The following GDF6 variants were observed in gnomAD, a reference collection of about 807,000 sequenced individuals.
GDF6 encodes growth/differentiation factor 6.
Under a neutral mutation model 32.4 loss-of-function variants are expected in GDF6, and 3 were observed. The ratio of observed to expected loss-of-function variants is 0.09; its 90% CI spans 0.04 to 0.24. GDF6 has a LOEUF of 0.24. GDF6 is among the 10% of genes least tolerant of loss of function. The probability of loss-of-function intolerance (pLI) is 1.00; values close to 1 mark genes in which losing one functional copy is unlikely to be tolerated. For missense variants in GDF6, 589 were observed against 637.9 expected, an observed-to-expected ratio of 0.92 and a Z score of 0.83; for synonymous variants, 296 against 295.3, an observed-to-expected ratio of 1.00 and a Z score of -0.03.
At chr8:96,153,199 T>A (rs1812598588) in intron 1 of GDF6, among the ~76,000 whole-genome samples, 1 of 152,230 alleles carries the variant, frequency 6.6e-6, no homozygotes, top group South Asian at 2.1e-4. Context: ...ACTCCTTTTG[T>A]CTCTAGAGGA....
At position 96,144,007 on chromosome 8, in the gene GDF6, T is replaced by G. The variant is rs925074980; in HGVS notation, c.*556A>C. 1 of 163,968 alleles carries G rather than the reference T, an allele frequency of 6.1e-6. No individual in the cohort carries two copies. Among genetic ancestry groups the G allele is most frequent in the South Asian group, 1.5e-4 (1 of 6,590 alleles). 10.2% of individuals were successfully genotyped at this position (163,968 alleles called of 1,614,324 possible). A position where few individuals can be genotyped will look rare whatever the true frequency, so the allele number is the denominator to read the frequency against. ...CAATTTCCCTATCTAACACTTTCTG[T>G]GTGGGAGGGCACAAGACATGGGCTA... On this transcript the variant is annotated 3_prime_UTR_variant, in exon 2 of 2. Transcript: ENST00000287020. The surrounding 1 kb of genome is among the most constrained non-coding windows in gnomAD (Gnocchi z 5.1).
intron 1 of GDF6, among the ~76,000 whole-genome samples, chr8:96,158,311 C>A (rs1316645960): frequency 6.6e-6 from 1 of 152,090 alleles, no homozygotes; most frequent in African/African-American, 2.4e-5. Context: ...AGCGCAGTGG[C>A]GGGGATGGGG....
In GDF6 at chr8:96,144,927, C is replaced by A. The variant is rs1315485179; in HGVS notation, c.1004G>T (p.Arg335Leu). 6.3e-7 allele frequency: 1 copy of A among 1,596,604 alleles called. No individual in the cohort carries two copies. Among genetic ancestry groups the A allele is most frequent in the East Asian group, 2.3e-5 (1 of 43,896 alleles). The change falls in exon 2 of 2, where the codon CGC becomes CTC. Residue 335 changes from arginine to leucine, a missense_variant. Arg to Leu is a moderately radical substitution (Grantham distance 102, BLOSUM62 -2). Coordinates refer to ENST00000287020, the MANE Select transcript of GDF6 (RefSeq NM_001001557.4). This position sits in a 1 kb window ranked among gnomAD's most constrained non-coding sequence, Gnocchi z 5.1. Reference sequence around the variant, plus strand: ...GCCATGGCGACTGGCGAAGGCCGTGCGCCGCCGCCGGCGGCCGGGCGAGGG... The same window carrying A: ...GCCATGGCGACTGGCGAAGGCCGTGAGCCGCCGCCGGCGGCCGGGCGAGGG... ...WLPSPGRRRR[R>L]TAFASRHGKR...
Position 96,143,702 on chromosome 8 carries a change from T to A in GDF6, c.*861A>T, listed in dbSNP as rs1812409577. ...CAGCCCCAGTCAGAGGCAGGCCTTG[T>A]GGTTTCTCATTATCCTTCAAGGGGT... On this transcript the variant is annotated 3_prime_UTR_variant, in exon 2 of 2. Coordinates refer to ENST00000287020, the MANE Select transcript of GDF6 (RefSeq NM_001001557.4). The A allele has an allele frequency of 6.5e-6, 1 of 152,698 alleles. No homozygotes were observed. The highest frequency in any genetic ancestry group is 2.4e-5 in the African/African-American group (1 of 41,446). 9.5% of individuals were successfully genotyped at this position (152,698 alleles called of 1,614,324 possible). A position where few individuals can be genotyped will look rare whatever the true frequency, so the allele number is the denominator to read the frequency against.
chr8:96,145,316 C>G lies in GDF6; in HGVS notation c.615G>C (p.Gln205His), dbSNP rs1216940538. ...LLLDARTLDP[Q>H]GAPPAGWEVF... ...CTTCCCAGCCGGCCGGCGGCGCCCC[C>G]TGCGGGTCCAGGGTCCGCGCGTCCA... is the stretch of plus-strand genomic sequence containing the variant. Residue 205 changes from glutamine (Q) to histidine (H), a missense_variant, in exon 2 of 2, where the codon CAG becomes CAC. Physicochemically the swap from Gln to His is conservative, Grantham distance 24. Coordinates refer to ENST00000287020, the MANE Select transcript of GDF6 (RefSeq NM_001001557.4). The surrounding 1 kb of genome is among the most constrained non-coding windows in gnomAD (Gnocchi z 5.6). 2.0e-6 allele frequency: 3 copies of G among 1,533,654 alleles called. No homozygotes were observed. The highest frequency in any genetic ancestry group is 1.8e-4 in the Middle Eastern group (1 of 5,442).
chr8:96,160,689 C>A lies in GDF6; in HGVS notation c.4G>T (p.Asp2Tyr). 1 of 1,613,350 alleles carries A rather than the reference C, an allele frequency of 6.2e-7. No homozygotes were observed. Among genetic ancestry groups the A allele is most frequent in the Non-Finnish European group, 8.5e-7 (1 of 1,179,500 alleles). M[D>Y]TPRVLLSAVF... ...GCCGAGAGCAGGACCCTGGGAGTAT[C>A]CATGGCGGGCAAGTGGCTGCGTCTC... is the stretch of plus-strand genomic sequence containing the variant. Residue 2 changes from aspartate (D) to tyrosine (Y), a missense_variant, in exon 1 of 2, where the codon GAT (aspartate) becomes TAT (tyrosine). Coordinates refer to ENST00000287020, the MANE Select transcript of GDF6 (RefSeq NM_001001557.4).
Position 96,160,799 on chromosome 8 carries a change from C to T in GDF6, c.-107G>A, listed in dbSNP as rs1812748888. The T allele has an allele frequency of 9.2e-7, 1 of 1,090,112 alleles. No individual in the cohort carries two copies. The highest frequency in any genetic ancestry group is 1.5e-5 in the South Asian group (1 of 64,994). 67.5% of individuals were successfully genotyped at this position (1,090,112 alleles called of 1,614,324 possible). A position where few individuals can be genotyped will look rare whatever the true frequency, so the allele number is the denominator to read the frequency against. On this transcript the variant is annotated 5_prime_UTR_variant, in exon 1 of 2. Transcript: ENST00000287020. The stretch of plus-strand genomic sequence containing the variant: ...CGGGGCCCGGCTCCTCGGGCGGACT[C>T]GGAGTGCGAGGAGCCGGGTCCCAGC...
intron 1 of GDF6, among the ~76,000 whole-genome samples, chr8:96,154,423 A>G (rs1169901316): frequency 1.3e-5 from 2 of 152,158 alleles, no homozygotes; most frequent in South Asian, 2.1e-4. Context: ...CAACCCTGGA[A>G]CCCATTAGTC....
chr8:96,153,851 G>C (rs886484493), intron 1 of GDF6, among the ~76,000 whole-genome samples: 1 of 152,120 alleles, frequency 6.6e-6, no homozygotes, highest in Non-Finnish European at 1.5e-5. Flanking sequence ...GTGCTGGGCC[G>C]TGTGCAGTCT....
At chr8:96,153,451 C>T (rs536406193) in intron 1 of GDF6, among the ~76,000 whole-genome samples, 5 of 152,334 alleles carry the variant, frequency 3.3e-5, no homozygotes, top group African/African-American at 1.2e-4. Flanking sequence ...CCCTCCCTCC[C>T]CATCTCACTG....
chr8:96,154,068 C>T (rs1438967882), intron 1 of GDF6, among the ~76,000 whole-genome samples: 5 of 152,114 alleles, frequency 3.3e-5, no homozygotes, highest in Non-Finnish European at 7.4e-5. Context: ...GCAGGCGCAC[C>T]GATTCTCCTG....
intron 1 of GDF6, among the ~76,000 whole-genome samples, chr8:96,153,395 G>T (rs1197018264): frequency 1.3e-5 from 2 of 152,226 alleles, no homozygotes; most frequent in African/African-American, 4.8e-5. Flanking sequence ...TGACATCACT[G>T]CAGATGAAAC....
At chr8:96,150,524 C>G (rs1812550959) in intron 1 of GDF6, among the ~76,000 whole-genome samples, 1 of 152,250 alleles carries the variant, frequency 6.6e-6, no homozygotes, top group South Asian at 2.1e-4. Flanking sequence ...TGGCCTCTCT[C>G]ACTGAATTTT....
rs1175841699 is a variant in GDF6 at position 96,145,327 on chromosome 8, G to T, written c.604C>A (p.Leu202Met). ...LSPLLLDARTLDPQGAPPAGW... is the reference protein window; with the variant it reads ...LSPLLLDARTMDPQGAPPAGW... ...GCCGGCGGCGCCCCCTGCGGGTCCAGGGTCCGCGCGTCCAGCAGTAGGGGC... is the reference window on the plus strand; with the variant it reads ...GCCGGCGGCGCCCCCTGCGGGTCCATGGTCCGCGCGTCCAGCAGTAGGGGC... Residue 202 changes from leucine to methionine, a missense_variant, in exon 2 of 2, where the codon CTG (leucine) becomes ATG (methionine). Leu to Met is a conservative substitution (Grantham distance 15, BLOSUM62 2). Around this residue, in one of 2 missense-constraint regions of GDF6, gnomAD observed 436 missense variants for 411.2 expected, o/e 1.06. Transcript: ENST00000287020. This position sits in a 1 kb window ranked among gnomAD's most constrained non-coding sequence, Gnocchi z 5.6. 5.2e-6 allele frequency: 8 copies of T among 1,537,246 alleles called. No individual in the cohort carries two copies. Among genetic ancestry groups the T allele is most frequent in the Non-Finnish European group, 8.7e-7 (1 of 1,148,002 alleles).
rs983830536 is a variant in GDF6, at chr8:96,160,760, G to A, written c.-68C>T. The A allele has an allele frequency of 7.8e-6, 12 of 1,534,766 alleles. No individual in the cohort carries two copies. In the African/African-American group the frequency reaches 1.5e-4, roughly 19 times the overall value. The stretch of plus-strand genomic sequence containing the variant: ...GCGCAGGACGCGCGGGGCACGGAGC[G>A]GCTGGACAGCGGCCGGGGCCCGGCT... On this transcript the variant is annotated 5_prime_UTR_variant, in exon 1 of 2. Coordinates refer to ENST00000287020, the MANE Select transcript of GDF6 (RefSeq NM_001001557.4).
intron 1 of GDF6, among the ~76,000 whole-genome samples, chr8:96,156,537 A>T (rs993370528): frequency 3.3e-5 from 5 of 152,086 alleles, no homozygotes; most frequent in Non-Finnish European, 5.9e-5. Flanking sequence ...CCCCAGTACT[A>T]GTAGCCTTTT....
In GDF6 at chr8:96,160,768, A is replaced by G. The variant is rs1467992511; in HGVS notation, c.-76T>C. The G allele has an allele frequency of 7.4e-6, 11 of 1,477,912 alleles. No individual in the cohort carries two copies. The African/African-American group carries it at 1.1e-4, about 15-fold the overall frequency. The allele number at this position is 1,477,912 out of a possible 1,614,324, so 91.5% of individuals were successfully genotyped here. A position where few individuals can be genotyped will look rare whatever the true frequency, so the allele number is the denominator to read the frequency against. ...CGCGCGGGGCACGGAGCGGCTGGAC[A>G]GCGGCCGGGGCCCGGCTCCTCGGGC... is the stretch of plus-strand genomic sequence containing the variant. On this transcript the variant is annotated 5_prime_UTR_variant, in exon 1 of 2. Transcript: ENST00000287020.
At chr8:96,150,066 A>G (rs926380868) in intron 1 of GDF6, among the ~76,000 whole-genome samples, 3 of 152,172 alleles carry the variant, frequency 2.0e-5, no homozygotes, top group Non-Finnish European at 2.9e-5. Flanking sequence ...TTTTCCCAAG[A>G]CATCTCTGAG....
At position 96,151,720 on chromosome 8, in the gene GDF6, G is replaced by A. The variant is rs758264358; in HGVS notation, c.407-6196C>T. ...CAAATGAGATAAGGTGTGAGAGAAA[G>A]ACTTCTGAATGCAAATGTCAGTCAC... On this transcript the variant is annotated intron_variant, in intron 1 of 1. Transcript: ENST00000287020. 9.8e-4 allele frequency among the ~76,000 whole-genome samples: 150 copies of A among 152,340 alleles called. 1 individual carries two copies. Among genetic ancestry groups the A allele is most frequent in the Middle Eastern group, 3.4e-3 (1 of 294 alleles).
Sources: gnomAD v4.1 joint callset for allele counts (sites outside exome capture counted in the v4.1 genomes callset) on GRCh38, gnomAD v4.1.1 for gene constraint, gnomAD v4.1.1 regional missense constraint, Gnocchi (gnomAD v3.1) non-coding constraint, MANE v1.5 for transcripts, NCBI Gene and HGNC (gene_info 2026-07-23, HGNC 2026-07-21) for gene names.